Variants in TUT4 observed in about 807,000 individuals in gnomAD.
TUT4 encodes terminal uridylyltransferase 4.
Under a neutral mutation model 192.2 loss-of-function variants are expected in TUT4, and 36 were observed. The ratio of observed to expected loss-of-function variants is 0.19; its 90% CI spans 0.14 to 0.25. The LOEUF is 0.25. Among genes scored for constraint, TUT4 ranks in the 10% least tolerant of loss-of-function variants. The pLI, the probability that TUT4 is intolerant of heterozygous loss-of-function variation, is 1.00. For missense variants in TUT4, 1,493 were observed against 1,957.2 expected, an observed-to-expected ratio of 0.76 and a Z score of 4.47; for synonymous variants, 618 against 666.0, an observed-to-expected ratio of 0.93 and a Z score of 1.11.
At chr1:52,466,746 C>T (rs1353146807) in intron 15 of TUT4, among the ~76,000 whole-genome samples, 1 of 150,740 alleles carries the variant, frequency 6.6e-6, no homozygotes, top group Non-Finnish European at 1.5e-5. Flanking sequence ...CCTTGGCTCA[C>T]TGCAACCTCT....
At chr1:52,430,355 T>G (rs1310307311) in intron 28 of TUT4, among the ~76,000 whole-genome samples, 1 of 152,126 alleles carries the variant, frequency 6.6e-6, no homozygotes, top group Admixed American at 6.5e-5. Flanking sequence ...CAATCTCGGC[T>G]CACTGCAACC....
chr1:52,431,065 G>A lies in TUT4; in HGVS notation c.4659C>T (p.Pro1553=). 6.2e-7 allele frequency: 1 copy of A among 1,612,888 alleles called. No homozygotes were observed. The highest frequency in any genetic ancestry group is 8.5e-7 in the Non-Finnish European group (1 of 1,179,096). Residue 1553 remains proline, a synonymous_variant, in exon 28 of 30, where the codon CCC becomes CCT. Coordinates refer to ENST00000257177, the MANE Select transcript of TUT4 (RefSeq NM_001009881.3). ...CCAGGGAATTTGGAGCCACAGTACG[G>A]GGCCAGTGTCCATCGTGAGACGTGT... ...IPNTSHDGHW[P]RTVAPNSLVN...
At chr1:52,515,668 T>C in intron 3 of TUT4, 1 of 623,538 alleles carries the variant, frequency 1.6e-6, no homozygotes, top group Non-Finnish European at 2.8e-6. Flanking sequence ...TTGCCAACTC[T>C]TGGGATGAAT....
chr1:52,470,973 G>T (rs1453859189), intron 14 of TUT4, among the ~76,000 whole-genome samples: 2 of 146,728 alleles, frequency 1.4e-5, no homozygotes, highest in African/African-American at 5.1e-5. Flanking sequence ...CAAATCAAAG[G>T]CAATTATTCC....
At chr1:52,478,223 G>A (rs907974321) in intron 11 of TUT4, among the ~76,000 whole-genome samples, 1 of 152,170 alleles carries the variant, frequency 6.6e-6, no homozygotes, top group African/African-American at 2.4e-5. Context: ...TATCAGCCTA[G>A]GCAATGGTAT....
intron 1 of TUT4, among the ~76,000 whole-genome samples, chr1:52,531,398 T>C (rs1191445566): frequency 2.0e-5 from 3 of 151,990 alleles, no homozygotes; most frequent in Non-Finnish European, 4.4e-5. Flanking sequence ...GAAGTGATCC[T>C]GAAAGTGATC....
intron 1 of TUT4, among the ~76,000 whole-genome samples, chr1:52,538,368 GA>G (rs1172344789): frequency 6.6e-6 from 1 of 150,534 alleles, no homozygotes; most frequent in Admixed American, 6.6e-5. Context: ...TGGCAACTGA[GA>G]AAAAAAAAGG....
intron 11 of TUT4, among the ~76,000 whole-genome samples, chr1:52,478,386 T>C (rs1667627799): frequency 6.6e-6 from 1 of 152,228 alleles, no homozygotes; most frequent in Non-Finnish European, 1.5e-5. Flanking sequence ...CAAACATTTC[T>C]TTAGAACCTC....
chr1:52,478,248 T>A (rs7537098), intron 11 of TUT4, among the ~76,000 whole-genome samples: 25,592 of 152,162 alleles, frequency 0.17, 4,559 homozygotes, highest in African/African-American at 0.45. Context: ...AAAGCTCCCT[T>A]AAGTAATTTT....
At chr1:52,547,664 T>A (rs1688428186) in intron 1 of TUT4, among the ~76,000 whole-genome samples, 1 of 152,178 alleles carries the variant, frequency 6.6e-6, no homozygotes, top group East Asian at 1.9e-4. Flanking sequence ...AAACGTGGTA[T>A]CTCCATAGAA....
intron 14 of TUT4, among the ~76,000 whole-genome samples, chr1:52,470,880 G>A (rs1472037945): frequency 6.6e-6 from 1 of 151,792 alleles, no homozygotes; most frequent in Non-Finnish European, 1.5e-5. Context: ...CTCTGTAAAC[G>A]TTTGCTGAAT....
intron 1 of TUT4, among the ~76,000 whole-genome samples, chr1:52,543,221 A>C (rs1406667551): frequency 1.3e-5 from 2 of 152,228 alleles, no homozygotes; most frequent in Non-Finnish European, 2.9e-5. Context: ...ACACACACAC[A>C]ACTAAAAAAT....
chr1:52,449,563 G>A (rs1041696869), intron 20 of TUT4, among the ~76,000 whole-genome samples: 1 of 152,166 alleles, frequency 6.6e-6, no homozygotes, highest in Non-Finnish European at 1.5e-5. Flanking sequence ...GCCGCCCAAA[G>A]TGCTGGGATT....
chr1:52,470,470 C>T (rs1002620061), intron 14 of TUT4, among the ~76,000 whole-genome samples: 1 of 151,932 alleles, frequency 6.6e-6, no homozygotes, highest in African/African-American at 2.4e-5. Flanking sequence ...CATACCCAGA[C>T]CCACCCAGCC....
At chr1:52,510,204 C>T (rs1382639222) in intron 3 of TUT4, among the ~76,000 whole-genome samples, 1 of 150,330 alleles carries the variant, frequency 6.7e-6, no homozygotes, top group Non-Finnish European at 1.5e-5. Flanking sequence ...CCCAGCTACT[C>T]TGGTGGCTGA....
chr1:52,456,411 CAAAAAAAAAAAAAAAA>C (rs1157223640), intron 20 of TUT4, among the ~76,000 whole-genome samples: 3 of 11,998 alleles, frequency 2.5e-4, no homozygotes, highest in Non-Finnish European at 6.5e-4. Flanking sequence ...GACTGTGTCT[CAAAAAAAAAAAAAAAA>C]AAAAAAAAAA....
In TUT4 at chr1:52,499,746, A is replaced by G. The variant is rs572220423; in HGVS notation, c.1000-2563T>C. The stretch of plus-strand genomic sequence containing the variant: ...AGACCTTGTTTCAAAAAAATAAAAT[A>G]AAAATAAAGACAGACATGTAGACCA... On this transcript the variant is annotated intron_variant, in intron 4 of 29. Coordinates refer to ENST00000257177, the MANE Select transcript of TUT4 (RefSeq NM_001009881.3). 4.0e-5 allele frequency among the ~76,000 whole-genome samples: 6 copies of G among 151,786 alleles called. No homozygotes were observed. The South Asian group carries it at 1.3e-3, about 32-fold the overall frequency.
chr1:52,444,923 G>A (rs12079973), intron 24 of TUT4, among the ~76,000 whole-genome samples: 13 of 134,358 alleles, frequency 9.7e-5, no homozygotes, highest in African/African-American at 4.7e-4. Context: ...ATACATGTAT[G>A]TGTATATATA....
chr1:52,489,635 A>G (rs934605639), intron 8 of TUT4, among the ~76,000 whole-genome samples: 1 of 152,202 alleles, frequency 6.6e-6, no homozygotes, highest in African/African-American at 2.4e-5. Flanking sequence ...TGTAGTGAAG[A>G]TATTTTGAAA....
Sources: allele counts gnomAD v4.1 joint callset (sites outside exome capture counted in the v4.1 genomes callset), GRCh38; gene constraint gnomAD v4.1.1; transcripts MANE v1.5; gene names NCBI Gene and HGNC (gene_info 2026-07-23, HGNC 2026-07-21).